COL23A1: variants seen among roughly 807,000 people sequenced by gnomAD.
The protein encoded by COL23A1 is collagen alpha-1(XXIII) chain.
A neutral mutation model predicts 99.3 loss-of-function variants in COL23A1; 97 were observed. That is an observed-to-expected ratio of 0.98 (90% CI 0.83 to 1.16). The LOEUF (loss-of-function observed/expected upper bound fraction) is 1.16. COL23A1 is among the 50% of genes most tolerant of loss of function. COL23A1 has a pLI of 0.00. For synonymous variants in COL23A1, 320 were observed against 308.2 expected (o/e 1.04, Z -0.40); for missense variants, 762 against 757.4 (o/e 1.01, Z -0.07).
rs150285848 is a variant in COL23A1, at chr5:178,331,279, G to A, written c.362-24360C>T. ...GACCCTTCTGGGTATATCTGGCAGA[G>A]GCAGTTGCAGCGCCTACAAATCAGA... On this transcript the variant is annotated intron_variant, in intron 2 of 28. Coordinates refer to ENST00000390654, the MANE Select transcript of COL23A1 (RefSeq NM_173465.4). Among the ~76,000 whole-genome samples, 662 of 152,344 alleles carry A rather than the reference G, an allele frequency of 4.3e-3. 7 individuals are homozygous for A. Among genetic ancestry groups the A allele is most frequent in the African/African-American group, 0.015 (628 of 41,580 alleles).
At chr5:178,381,545 G>A (rs1171995175) in intron 2 of COL23A1, among the ~76,000 whole-genome samples, 1 of 152,204 alleles carries the variant, frequency 6.6e-6, no homozygotes, top group East Asian at 1.9e-4. Context: ...TGTTAGTGAG[G>A]ACGGAATGGT....
chr5:178,488,780 A>G (rs1236509454), intron 2 of COL23A1, among the ~76,000 whole-genome samples: 1 of 152,156 alleles, frequency 6.6e-6, no homozygotes, highest in African/African-American at 2.4e-5. Context: ...GCACCAGACG[A>G]GAGTTCTGGA....
At chr5:178,261,077 TTC>T (rs576805721) in intron 11 of COL23A1, among the ~76,000 whole-genome samples, 141 of 152,226 alleles carry the variant, frequency 9.3e-4, no homozygotes, top group Non-Finnish European at 1.5e-3. Context: ...ATTCTGTACT[TTC>T]TGTTTAGTTT....
intron 2 of COL23A1, among the ~76,000 whole-genome samples, chr5:178,436,365 C>T (rs879486197): frequency 5.5e-5 from 8 of 146,134 alleles, no homozygotes; most frequent in Admixed American, 6.9e-5. Context: ...GCGGTTGTGG[C>T]GAGCACGGGG....
At chr5:178,473,490 T>C (rs1303595437) in intron 2 of COL23A1, among the ~76,000 whole-genome samples, 1 of 151,380 alleles carries the variant, frequency 6.6e-6, no homozygotes, top group Non-Finnish European at 1.5e-5. Flanking sequence ...TTTTTGGTAT[T>C]TTTTGTGAAG....
chr5:178,552,806 C>T (rs1165345520), intron 2 of COL23A1, among the ~76,000 whole-genome samples: 5 of 151,898 alleles, frequency 3.3e-5, no homozygotes, highest in East Asian at 2.0e-4. Flanking sequence ...CTCTACCTCC[C>T]GGGTTCAAGT....
In COL23A1 at chr5:178,576,351, G is replaced by A. The variant is rs145511318; in HGVS notation, c.294+13553C>T. Among the ~76,000 whole-genome samples, 636 of 152,224 alleles carry A rather than the reference G, an allele frequency of 4.2e-3. 7 individuals are homozygous for A. The highest frequency in any genetic ancestry group is 0.015 in the African/African-American group (616 of 41,548). ...CCTCCCGGGTTCAACCGATTCTCCT[G>A]CCTCACCCTCCCAAGTAGCTGGGAC... is the stretch of plus-strand genomic sequence containing the variant. On this transcript the variant is annotated intron_variant, in intron 1 of 28. Transcript: ENST00000390654.
intron 3 of COL23A1, among the ~76,000 whole-genome samples, chr5:178,305,647 T>A (rs957426814): frequency 2.0e-5 from 3 of 150,956 alleles, no homozygotes; most frequent in African/African-American, 7.3e-5. Context: ...GGGGTGGGAG[T>A]CCAGGTAGAG....
At position 178,589,413 on chromosome 5, in the gene COL23A1, C is replaced by T. The variant is rs1009718970; in HGVS notation, c.294+491G>A. 6.7e-6 allele frequency among the ~76,000 whole-genome samples: 1 copy of T among 148,480 alleles called. No homozygotes were observed. Among genetic ancestry groups the T allele is most frequent in the African/African-American group, 2.5e-5 (1 of 39,462 alleles). Reference sequence around the variant, plus strand: ...CTGAGCTGCTGGAGACACACTGGAGCACAGCGGGGCCCAGCCCTCGGGCCT... The same window carrying T: ...CTGAGCTGCTGGAGACACACTGGAGTACAGCGGGGCCCAGCCCTCGGGCCT... On this transcript the variant is annotated intron_variant, in intron 1 of 28. Transcript: ENST00000390654. The surrounding 1 kb of genome is among the most constrained non-coding windows in gnomAD (Gnocchi z 5.4).
intron 2 of COL23A1, among the ~76,000 whole-genome samples, chr5:178,459,915 A>G (rs1457832874): frequency 1.3e-5 from 2 of 152,174 alleles, no homozygotes; most frequent in African/African-American, 4.8e-5. Flanking sequence ...ACGCACACAT[A>G]CAATTTTGAA....
At chr5:178,524,768 C>T (rs1233971398) in intron 2 of COL23A1, among the ~76,000 whole-genome samples, 1 of 152,146 alleles carries the variant, frequency 6.6e-6, no homozygotes, top group African/African-American at 2.4e-5. Context: ...TCATAAGGGC[C>T]CCTGTCTAGA....
chr5:178,462,949 GCT>G (rs1756204490), intron 2 of COL23A1, among the ~76,000 whole-genome samples: 1 of 152,256 alleles, frequency 6.6e-6, no homozygotes, highest in Non-Finnish European at 1.5e-5. Context: ...GGCGGCGTTT[GCT>G]CTTTATTTGG....
intron 2 of COL23A1, among the ~76,000 whole-genome samples, chr5:178,376,165 A>G (rs1024542054): frequency 6.6e-6 from 1 of 152,156 alleles, no homozygotes; most frequent in Non-Finnish European, 1.5e-5. Flanking sequence ...TCTTTTCCAT[A>G]GCACTTGTCA....
chr5:178,529,359 C>T (rs1299107889), intron 2 of COL23A1, among the ~76,000 whole-genome samples: 9 of 151,948 alleles, frequency 5.9e-5, no homozygotes, highest in East Asian at 5.8e-4. Flanking sequence ...CTGCACGTGG[C>T]GTGAAGCCCA....
At chr5:178,441,011 A>C (rs1766836255) in intron 2 of COL23A1, among the ~76,000 whole-genome samples, 1 of 152,208 alleles carries the variant, frequency 6.6e-6, no homozygotes, top group Non-Finnish European at 1.5e-5. Flanking sequence ...GAAAGTTACG[A>C]AACAGATTTC....
chr5:178,511,301 C>T (rs1759191655), intron 2 of COL23A1, among the ~76,000 whole-genome samples: 1 of 152,166 alleles, frequency 6.6e-6, no homozygotes, highest in South Asian at 2.1e-4. Flanking sequence ...AGTTCTGTGA[C>T]ATTTGAATTA....
chr5:178,318,529 G>C (rs548602061), intron 2 of COL23A1, among the ~76,000 whole-genome samples: 1 of 152,248 alleles, frequency 6.6e-6, no homozygotes, highest in African/African-American at 2.4e-5. Flanking sequence ...TCAGAGCCAT[G>C]AGAACATCTC....
chr5:178,466,413 C>T (rs1008910414), intron 2 of COL23A1, among the ~76,000 whole-genome samples: 13 of 152,348 alleles, frequency 8.5e-5, no homozygotes, highest in Middle Eastern at 3.4e-3. Context: ...CTGGACCTTT[C>T]GTCCTGTGTT....
At chr5:178,346,218 T>A (rs868344229) in intron 2 of COL23A1, among the ~76,000 whole-genome samples, 1 of 152,066 alleles carries the variant, frequency 6.6e-6, no homozygotes, top group Non-Finnish European at 1.5e-5. Flanking sequence ...TTATTTATTA[T>A]TTATTTATTT....
Sources: allele counts gnomAD v4.1 joint callset (sites outside exome capture counted in the v4.1 genomes callset), GRCh38; gene constraint gnomAD v4.1.1; non-coding constraint Gnocchi (gnomAD v3.1); transcripts MANE v1.5; gene names NCBI Gene and HGNC (gene_info 2026-07-23, HGNC 2026-07-21).